UPRT: variants seen among roughly 807,000 people sequenced by gnomAD.
The protein encoded by UPRT is RP11-311P8.3.
UPRT carries 5 observed loss-of-function variants against 22.6 expected under a neutral mutation model. The ratio of observed to expected loss-of-function variants is 0.22; its 90% confidence interval spans 0.12 to 0.47. The LOEUF is 0.47. Among genes scored for constraint, UPRT ranks in the 20% least tolerant of loss-of-function variants. The pLI, the probability that UPRT is intolerant of heterozygous loss-of-function variation, is 0.99. For missense variants in UPRT, 181 were observed against 239.9 expected (o/e 0.75, Z 1.62); for synonymous variants, 77 against 87.7 (o/e 0.88, Z 0.68).
intron 3 of UPRT, among the ~76,000 whole-genome samples, chrX:75,165,996 G>A (rs1305244897): frequency 8.9e-6 from 1 of 111,890 alleles, no homozygotes; most frequent in African/African-American, 3.3e-5. Flanking sequence ...CAGATTATTA[G>A]CAAGATCGGG....
intron 4 of UPRT, among the ~76,000 whole-genome samples, chrX:75,225,433 C>T (rs962361521): frequency 1.8e-5 from 2 of 110,196 alleles, no homozygotes; most frequent in African/African-American, 6.6e-5. Context: ...GGAACAGCCT[C>T]AGCAACCAGT....
intron 4 of UPRT, among the ~76,000 whole-genome samples, chrX:75,264,940 A>G (rs1333803356): frequency 9.0e-6 from 1 of 111,602 alleles, no homozygotes; most frequent in Non-Finnish European, 1.9e-5. Flanking sequence ...TCACTTATGA[A>G]GCTTAGTTTG....
rs193113665 is a variant in UPRT at position 75,157,788 on chromosome X, A to G, written c.-737+1238A>G. Among the ~76,000 whole-genome samples, 4 of 112,276 alleles carry G rather than the reference A, an allele frequency of 3.6e-5. No homozygotes were observed. The East Asian group carries it at 1.1e-3, about 31-fold the overall frequency. On this transcript the variant is annotated intron_variant, in intron 1 of 13. Transcript: ENST00000652605. The stretch of plus-strand genomic sequence containing the variant: ...GTAGATCGATTGCAGGGCAATTAGG[A>G]GATGGAATTGGCAAGACTTAGTGAC...
rs186309737 is a variant in UPRT, at chrX:75,236,223, G to T, written c.-446-54801G>T. Among the ~76,000 whole-genome samples the T allele has an allele frequency of 6.4e-3, 713 of 111,087 alleles. 4 individuals are homozygous for T. Among genetic ancestry groups the T allele is most frequent in the African/African-American group, 0.018 (557 of 30,549 alleles). On this transcript the variant is annotated intron_variant, in intron 4 of 13. Coordinates refer to the UPRT transcript ENST00000652605. ...ATTGCTTCAAAGAGAATAAAATACC[G>T]AGGAATCCAACTTACAAGGGATGTG...
At chrX:75,271,530 A>G (rs1203165456), upstream of UPRT, among the ~76,000 whole-genome samples, 1 of 112,502 alleles carries the variant, frequency 8.9e-6, no homozygotes, top group East Asian at 2.8e-4. Context: ...AAGACCTGAA[A>G]CTATAAAAAT....
At chrX:75,257,508 G>T in intron 4 of UPRT, among the ~76,000 whole-genome samples, 1 of 111,578 alleles carries the variant, frequency 9.0e-6, no homozygotes. Flanking sequence ...AGTACTAAAA[G>T]TCCTAGCCAG....
chrX:75,241,963 G>A (rs2082489909), intron 4 of UPRT, among the ~76,000 whole-genome samples: 1 of 110,624 alleles, frequency 9.0e-6, no homozygotes, highest in Non-Finnish European at 1.9e-5. Context: ...TACACACTGG[G>A]TACAGTGTGC....
chrX:75,276,180 G>A (rs1369290437), intron 1 of UPRT, among the ~76,000 whole-genome samples: 2 of 112,043 alleles, frequency 1.8e-5, no homozygotes, highest in African/African-American at 6.5e-5. Flanking sequence ...CTGCCAAGAA[G>A]CTTCCCTTTA....
chrX:75,178,499 G>A (rs2082257284), intron 4 of UPRT, among the ~76,000 whole-genome samples: 1 of 111,904 alleles, frequency 8.9e-6, no homozygotes, highest in African/African-American at 3.2e-5. Flanking sequence ...CTTCAAGAAT[G>A]AAGCCGCGGA....
intron 4 of UPRT, among the ~76,000 whole-genome samples, chrX:75,205,131 G>A (rs1334826586): frequency 9.1e-6 from 1 of 110,205 alleles, no homozygotes; most frequent in Non-Finnish European, 1.9e-5. Flanking sequence ...AGCACTTTGG[G>A]AGGCCGAGGC....
chrX:75,258,843 G>A (rs1487351884), intron 4 of UPRT, among the ~76,000 whole-genome samples: 2 of 111,865 alleles, frequency 1.8e-5, no homozygotes, highest in East Asian at 5.7e-4. Flanking sequence ...TCCCAGTAGG[G>A]GCCAACAGAC....
intron 4 of UPRT, among the ~76,000 whole-genome samples, chrX:75,217,222 G>T (rs1472538325): frequency 9.0e-6 from 1 of 111,241 alleles, no homozygotes; most frequent in Non-Finnish European, 1.9e-5. Flanking sequence ...CATAAAAAGA[G>T]TGTTGTTACG....
intron 3 of UPRT, among the ~76,000 whole-genome samples, chrX:75,166,408 A>T (rs960455428): frequency 1.8e-5 from 2 of 111,518 alleles, no homozygotes; most frequent in African/African-American, 6.5e-5. Context: ...TGTCTGTAAC[A>T]CTTTCTGGAG....
chrX:75,251,691 T>G (rs1038440701), intron 4 of UPRT, among the ~76,000 whole-genome samples: 2 of 111,644 alleles, frequency 1.8e-5, no homozygotes, highest in Non-Finnish European at 3.8e-5. Context: ...ATGACTTTCT[T>G]CACAGAATTG....
rs1344068408 is a variant in UPRT, at chrX:75,295,152, TATC to T, written c.430-1187_430-1185del. ...TGCAGCACATGTCATTAATATATAT[TATC>T]ATATATATATTAATTTCATCCTGAA... On this transcript the variant is annotated intron_variant, in intron 2 of 6. Transcript: ENST00000373383. Among the ~76,000 whole-genome samples the T allele has an allele frequency of 3.6e-5, 4 of 109,730 alleles. No individual in the cohort carries two copies. In the Admixed American group the frequency reaches 3.9e-4, roughly 11 times the overall value.
At chrX:75,204,888 G>A (rs1041642641) in intron 4 of UPRT, among the ~76,000 whole-genome samples, 1 of 110,984 alleles carries the variant, frequency 9.0e-6, no homozygotes, top group African/African-American at 3.3e-5. Flanking sequence ...CCAGCTCTCA[G>A]AGGTTGTGGG....
At chrX:75,281,950 A>G (rs1284403908) in intron 1 of UPRT, among the ~76,000 whole-genome samples, 1 of 110,136 alleles carries the variant, frequency 9.1e-6, no homozygotes, top group Admixed American at 9.7e-5. Flanking sequence ...GCTGGTTGTT[A>G]TTGGTCTGTT....
intron 4 of UPRT, among the ~76,000 whole-genome samples, chrX:75,187,510 C>A (rs1425139904): frequency 9.0e-6 from 1 of 111,078 alleles, no homozygotes; most frequent in Admixed American, 9.6e-5. Flanking sequence ...CTTGGAGTTG[C>A]TCTTCTCGAG....
At chrX:75,183,704 T>C (rs1418686766) in intron 4 of UPRT, among the ~76,000 whole-genome samples, 1 of 112,290 alleles carries the variant, frequency 8.9e-6, no homozygotes, top group Non-Finnish European at 1.9e-5. Context: ...GAATTTTTAA[T>C]GATTGCCATT....
Sources: allele counts gnomAD v4.1 joint callset (sites outside exome capture counted in the v4.1 genomes callset), GRCh38; gene constraint gnomAD v4.1.1; transcripts MANE v1.5; gene names NCBI Gene and HGNC (gene_info 2026-07-23, HGNC 2026-07-21).